Variants in LRRIQ1 observed in about 807,000 individuals in gnomAD.
The protein encoded by LRRIQ1 is leucine rich repeats and IQ motif containing 1, also known as leucine-rich repeat- and IQ domain-containing protein 1.
In LRRIQ1, 210 loss-of-function variants were observed where a neutral mutation model predicts 211.9. That is an observed-to-expected ratio of 0.99 (90% CI 0.89 to 1.11). The LOEUF (loss-of-function observed/expected upper bound fraction) is 1.11. Ranked by LOEUF, LRRIQ1 falls within the 50% of genes most tolerant of loss-of-function variation. LRRIQ1 has a pLI of 0.00. For missense variants in LRRIQ1, 2,136 were observed against 1,939.5 expected (o/e 1.10, Z -1.90); for synonymous variants, 699 against 650.1 (o/e 1.08, Z -1.14).
intron 13 of LRRIQ1, 77 bp from the exon 14 acceptor site, chr12:85,103,927 T>A: frequency 1.7e-6 from 1 of 600,692 alleles, no homozygotes. Context: ...TAAAAATGTA[T>A]TGTTATATAG....
intron 24 of LRRIQ1, 38 bp from the exon 25 acceptor site, chr12:85,229,478 CT>C: frequency 6.5e-7 from 1 of 1,542,924 alleles, no homozygotes; most frequent in Non-Finnish European, 8.7e-7. Flanking sequence ...AGTTTGGTCT[CT>C]TTAAATAATA....
chr12:85,121,558 C>CT (rs1887985239), intron 15 of LRRIQ1, 139 bp from the exon 16 acceptor site: 1 of 574,744 alleles, frequency 1.7e-6, no homozygotes, highest in East Asian at 3.5e-5. Context: ...AAATCTAACT[C>CT]TATCATTTTC....
chr12:85,050,211 A>T (rs1880138740), intron 6 of LRRIQ1, among the ~76,000 whole-genome samples: 1 of 152,114 alleles, frequency 6.6e-6, no homozygotes, highest in African/African-American at 2.4e-5. Flanking sequence ...GTAGAGTTCA[A>T]CCTGAGATTT....
chr12:85,176,905 G>A (rs1436259509), intron 24 of LRRIQ1, among the ~76,000 whole-genome samples: 2 of 151,904 alleles, frequency 1.3e-5, no homozygotes, highest in African/African-American at 2.4e-5. Context: ...TGTTTTGGAT[G>A]AGTCTTACAT....
At chr12:85,149,154 A>G (rs545102963) in intron 19 of LRRIQ1, among the ~76,000 whole-genome samples, 1 of 152,056 alleles carries the variant, frequency 6.6e-6, no homozygotes, top group African/African-American at 2.4e-5. Flanking sequence ...CTTTAATTTA[A>G]TTAGATCCCG....
intron 13 of LRRIQ1, among the ~76,000 whole-genome samples, chr12:85,099,638 A>G (rs1399354124): frequency 6.6e-6 from 1 of 151,842 alleles, no homozygotes. Flanking sequence ...TCCATTCACT[A>G]TAATATGATT....
downstream of LRRIQ1, among the ~76,000 whole-genome samples, chr12:85,247,383 T>G (rs1249625245): frequency 6.6e-6 from 1 of 151,666 alleles, no homozygotes; most frequent in Non-Finnish European, 1.5e-5. Context: ...GAGAGTACTT[T>G]GTGGACTACA....
rs189677717 is a variant in LRRIQ1, at chr12:85,251,829, A to G, written c.121+6920A>G. 1.7e-3 allele frequency among the ~76,000 whole-genome samples: 263 copies of G among 151,704 alleles called. 2 individuals carry two copies. The highest frequency in any genetic ancestry group is 6.0e-3 in the African/African-American group (249 of 41,330). ...GATCAAGATTCCTTCTAGCTTTCAA[A>G]TTCCATAATTCTGCAACTAGAACAA... On this transcript the variant is annotated intron_variant, in intron 1 of 1. Transcript: ENST00000602731.
intron 1 of LRRIQ1, among the ~76,000 whole-genome samples, chr12:85,251,930 A>G (rs1252450999): frequency 6.6e-6 from 1 of 151,938 alleles, no homozygotes; most frequent in Non-Finnish European, 1.5e-5. Context: ...CAGTATGAAA[A>G]TCATGCTTGA....
intron 26 of LRRIQ1, among the ~76,000 whole-genome samples, chr12:85,236,738 A>G (rs778334695): frequency 6.7e-6 from 1 of 150,350 alleles, no homozygotes; most frequent in African/African-American, 2.4e-5. Context: ...TTTTGGATAC[A>G]TATATATATT....
At chr12:85,139,495 C>T (rs977908138) in intron 19 of LRRIQ1, among the ~76,000 whole-genome samples, 3 of 151,406 alleles carry the variant, frequency 2.0e-5, no homozygotes, top group African/African-American at 7.3e-5. Flanking sequence ...TTCATGTGTA[C>T]ATATGTGACA....
chr12:85,068,942 A>T (rs1258549959), intron 10 of LRRIQ1, among the ~76,000 whole-genome samples: 1 of 150,180 alleles, frequency 6.7e-6, no homozygotes, highest in African/African-American at 2.4e-5. Flanking sequence ...TATTTATTTA[A>T]TTTTATTATT....
At position 85,127,949 on chromosome 12, in the gene LRRIQ1, GAATCA is replaced by G; in HGVS notation, c.4126_4130del (p.Asn1376AspfsTer46). The G allele has an allele frequency of 1.2e-6, 2 of 1,613,650 alleles. No individual in the cohort carries two copies. Among genetic ancestry groups the G allele is most frequent in the Non-Finnish European group, 1.7e-6 (2 of 1,179,736 alleles). On this transcript the variant is annotated frameshift_variant, in exon 18 of 27. Transcript: ENST00000393217. LOFTEE classifies it high-confidence loss of function. ...AAGGCCTGCCAAATTCTTCCATCAA[GAATCA>G]GACTATTTTAAAGAAAGGAAAAAGA...
chr12:85,182,999 C>G (rs1281744868), intron 24 of LRRIQ1, among the ~76,000 whole-genome samples: 3 of 152,186 alleles, frequency 2.0e-5, no homozygotes, highest in Admixed American at 6.5e-5. Context: ...CAGGAGCCTT[C>G]CAGTGCACGC....
intron 25 of LRRIQ1, among the ~76,000 whole-genome samples, chr12:85,232,424 A>C (rs534252367): frequency 2.0e-5 from 3 of 152,134 alleles, no homozygotes; most frequent in Admixed American, 1.3e-4. Context: ...ACTAGTACTA[A>C]TCAATTGTGG....
At chr12:85,176,268 A>G (rs1891693836) in intron 24 of LRRIQ1, among the ~76,000 whole-genome samples, 1 of 151,986 alleles carries the variant, frequency 6.6e-6, no homozygotes, top group Admixed American at 6.6e-5. Context: ...CTTTGAAGCA[A>G]TTGTGAATGG....
chr12:85,168,627 C>T (rs569614493), intron 24 of LRRIQ1, among the ~76,000 whole-genome samples: 12 of 152,060 alleles, frequency 7.9e-5, no homozygotes, highest in African/African-American at 1.7e-4. Flanking sequence ...CTTCCAATTC[C>T]GCCCCTTAAT....
chr12:85,133,193 C>A (rs1447798999), intron 18 of LRRIQ1, among the ~76,000 whole-genome samples: 2 of 151,932 alleles, frequency 1.3e-5, no homozygotes, highest in Non-Finnish European at 2.9e-5. Flanking sequence ...CATGGCAATC[C>A]TATATGATTT....
chr12:85,191,921 G>A (rs1892531223), intron 24 of LRRIQ1, among the ~76,000 whole-genome samples: 1 of 151,734 alleles, frequency 6.6e-6, no homozygotes, highest in Non-Finnish European at 1.5e-5. Flanking sequence ...ATCTTCCTTG[G>A]TGTGGTGTCT....
Sources: gnomAD v4.1 joint callset for allele counts (sites outside exome capture counted in the v4.1 genomes callset) on GRCh38, gnomAD v4.1.1 for gene constraint, MANE v1.5 for transcripts, NCBI Gene and HGNC (gene_info 2026-07-23, HGNC 2026-07-21) for gene names.